The following FYB2 variants were observed in gnomAD, a reference collection of about 807,000 sequenced individuals.
The protein encoded by FYB2 is FYN-binding protein 2.
In FYB2, 103 loss-of-function variants were observed where a neutral mutation model predicts 94.1. That is an observed-to-expected ratio of 1.09 (90% CI 0.93 to 1.29). The LOEUF (loss-of-function observed/expected upper bound fraction) is 1.29, where lower values mean the gene tolerates loss of function less well. Among genes scored for constraint, FYB2 ranks in the 50% most tolerant of loss-of-function variants. The pLI is 0.00. For missense variants in FYB2, 896 were observed against 841.5 expected, an observed-to-expected ratio of 1.06 and a Z score of -0.80; for synonymous variants, 293 against 287.9, an observed-to-expected ratio of 1.02 and a Z score of -0.18.
intron 1 of FYB2, among the ~76,000 whole-genome samples, chr1:56,795,075 G>A (rs1385515460): frequency 6.6e-6 from 1 of 151,244 alleles, no homozygotes; most frequent in Admixed American, 6.6e-5. Flanking sequence ...TGTTATGTAG[G>A]TTCACATTGT....
At chr1:56,730,393 G>GGGGAGGGGAGGGGAAGGAGGAGA (rs1644681252) in intron 15 of FYB2, among the ~76,000 whole-genome samples, 2 of 87,446 alleles carry the variant, frequency 2.3e-5, no homozygotes. Flanking sequence ...GTAAAGGGAA[G>GGGGAGGGGAGGGGAAGGAGGAGA]TGGAGGGGAG....
At chr1:56,807,706 C>T (rs905702406) in intron 1 of FYB2, among the ~76,000 whole-genome samples, 9 of 152,118 alleles carry the variant, frequency 5.9e-5, no homozygotes, top group Admixed American at 1.3e-4. Context: ...GATTGGTAAG[C>T]GTTGGAATTC....
intron 6 of FYB2, 112 bp downstream of exon 6, chr1:56,758,604 G>T: frequency 1.2e-6 from 1 of 826,458 alleles, no homozygotes. Flanking sequence ...CTCAGAAATA[G>T]GAGGAAAAAT....
intron 16 of FYB2, among the ~76,000 whole-genome samples, chr1:56,724,345 C>CT (rs970669939): frequency 1.7e-4 from 26 of 152,208 alleles, no homozygotes; most frequent in African/African-American, 6.3e-4. Context: ...TGATTATACT[C>CT]TTAGTCCTCC....
chr1:56,780,154 C>A (rs1645974040), intron 4 of FYB2, among the ~76,000 whole-genome samples: 1 of 152,080 alleles, frequency 6.6e-6, no homozygotes, highest in Non-Finnish European at 1.5e-5. Context: ...ACTAAATAAA[C>A]CTTTGTACAA....
chr1:56,786,072 T>C (rs1452239224), intron 4 of FYB2, among the ~76,000 whole-genome samples: 1 of 152,150 alleles, frequency 6.6e-6, no homozygotes, highest in Non-Finnish European at 1.5e-5. Context: ...GAGAGACAGA[T>C]GGTGCCAAGT....
At chr1:56,797,355 C>T (rs1646423669) in intron 1 of FYB2, among the ~76,000 whole-genome samples, 1 of 152,126 alleles carries the variant, frequency 6.6e-6, no homozygotes. Flanking sequence ...CAGCTAAAGG[C>T]AATTTCTAAC....
chr1:56,756,418 T>C (rs1645332437), intron 6 of FYB2, among the ~76,000 whole-genome samples: 1 of 152,122 alleles, frequency 6.6e-6, no homozygotes, highest in Non-Finnish European at 1.5e-5. Context: ...ATGATCACAA[T>C]GTAGCCCCTC....
At chr1:56,807,879 A>C (rs11206920) in intron 1 of FYB2, among the ~76,000 whole-genome samples, 7,410 of 152,310 alleles carry the variant, frequency 0.049, 372 homozygotes, top group East Asian at 0.23. Context: ...ATAAAATGGC[A>C]ACAATAATAG....
rs769538030 is a variant in FYB2, at chr1:56,792,642, G to A, written c.171C>T (p.Ser57=). 6 of 1,614,060 alleles carry A rather than the reference G, an allele frequency of 3.7e-6. No individual in the cohort carries two copies. The African/African-American group carries it at 6.7e-5, about 18-fold the overall frequency. Residue 57 remains serine (S), a synonymous_variant, in exon 2 of 20, where the codon TCC becomes TCT. Transcript: ENST00000343433. ...QILANGKPLS[S]NHKQRTPYCS... is the part of the protein sequence containing the mutation. ...AGTATGGTGTGCGCTGCTTGTGGTT[G>A]GATGAGAGGGGTTTCCCATTGGCCA... is the stretch of plus-strand genomic sequence containing the variant.
chr1:56,720,035 G>T lies in FYB2; in HGVS notation c.2152C>A (p.His718Asn). The T allele has an allele frequency of 6.2e-7, 1 of 1,601,626 alleles. No homozygotes were observed. The highest frequency in any genetic ancestry group is 8.5e-7 in the Non-Finnish European group (1 of 1,174,382). The change falls in exon 19 of 20, where the codon CAT becomes AAT. Residue 718 changes from histidine (H) to asparagine (N), a missense_variant. Transcript: ENST00000343433. ...KGKYGYVLIEHLDFKHQSWSP is the reference protein window; with the variant it reads ...KGKYGYVLIENLDFKHQSWSP Reference sequence around the variant, plus strand: ...CAAACAGCTTACTTGAAATCTAGATGTTCAATGAGCACATATCCATCTAAT... The same window carrying T: ...CAAACAGCTTACTTGAAATCTAGATTTTCAATGAGCACATATCCATCTAAT...
chr1:56,813,144 T>C (rs994863888), intron 1 of FYB2, among the ~76,000 whole-genome samples: 8 of 152,222 alleles, frequency 5.3e-5, no homozygotes, highest in Non-Finnish European at 7.3e-5. Flanking sequence ...AATTCCCCCA[T>C]TTTATAAGGA....
intron 15 of FYB2, among the ~76,000 whole-genome samples, chr1:56,732,981 T>G (rs2100550906): frequency 6.6e-6 from 1 of 152,044 alleles, no homozygotes; most frequent in Admixed American, 6.6e-5. Context: ...AATCAACAAA[T>G]GGGATTTCAG....
intron 6 of FYB2, among the ~76,000 whole-genome samples, chr1:56,757,073 A>T (rs1337093262): frequency 6.6e-6 from 1 of 152,160 alleles, no homozygotes; most frequent in Non-Finnish European, 1.5e-5. Flanking sequence ...GAGCTTAAAA[A>T]TACAGAGATA....
chr1:56,785,300 A>G (rs920823864), intron 4 of FYB2, among the ~76,000 whole-genome samples: 1 of 152,222 alleles, frequency 6.6e-6, no homozygotes, highest in Non-Finnish European at 1.5e-5. Flanking sequence ...ACTCAATCCT[A>G]CTGAGATGCT....
chr1:56,737,446 A>G (rs1234525515), intron 14 of FYB2: 2 of 230,150 alleles, frequency 8.7e-6, no homozygotes, highest in Non-Finnish European at 1.6e-5. Context: ...TTGCTCAAAG[A>G]GTCATTTTTA....
rs537947072 is a variant in FYB2 at position 56,776,762 on chromosome 1, T to A, written c.954-8824A>T. On this transcript the variant is annotated intron_variant, in intron 4 of 19. Coordinates refer to ENST00000343433, the MANE Select transcript of FYB2 (RefSeq NM_001004303.5). ...TCTCCTGACTGCCTGTTCTGCCACCTACAGCATTCGACCTTGATACAGACA... is the reference window on the plus strand; with the variant it reads ...TCTCCTGACTGCCTGTTCTGCCACCAACAGCATTCGACCTTGATACAGACA... Among the ~76,000 whole-genome samples, 11 of 152,296 alleles carry A rather than the reference T, an allele frequency of 7.2e-5. No homozygotes were observed. In the South Asian group the frequency reaches 1.9e-3, roughly 26 times the overall value.
the FYB2 span, chr1:56,825,181 T>C: frequency 6.6e-6 from 1 of 152,324 alleles, no homozygotes; most frequent in Admixed American, 6.5e-5. Context: ...ATGACCTCAT[T>C]TGATGCTCAC....
intron 2 of FYB2, among the ~76,000 whole-genome samples, chr1:56,789,552 C>A (rs1038189184): frequency 3.3e-5 from 5 of 152,186 alleles, no homozygotes; most frequent in Admixed American, 2.0e-4. Flanking sequence ...ACACTTTTCC[C>A]TTTCTTGGCA....
Sources: allele counts gnomAD v4.1 joint callset (sites outside exome capture counted in the v4.1 genomes callset), GRCh38; gene constraint gnomAD v4.1.1; transcripts MANE v1.5; gene names NCBI Gene and HGNC (gene_info 2026-07-23, HGNC 2026-07-21).